Variants in ARMC12 observed in about 807,000 individuals in gnomAD.
ARMC12 encodes armadillo repeat containing 12, also known as armadillo repeat-containing protein 12.
ARMC12 carries 25 observed loss-of-function variants against 37.4 expected under a neutral mutation model. That is an observed-to-expected ratio of 0.67 (90% CI 0.49 to 0.93). The LOEUF (loss-of-function observed/expected upper bound fraction) is 0.93, where lower values mean the gene tolerates loss of function less well. ARMC12 is among the 40% of genes least tolerant of loss of function. The pLI, the probability that ARMC12 is intolerant of heterozygous loss-of-function variation, is 0.00. For synonymous variants in ARMC12, 167 were observed against 176.1 expected, an observed-to-expected ratio of 0.95 and a Z score of 0.41; for missense variants, 384 against 426.6, an observed-to-expected ratio of 0.90 and a Z score of 0.88.
In ARMC12 at chr6:35,737,075, A is replaced by G; in HGVS notation, c.-34A>G. 1 of 1,611,070 alleles carries G rather than the reference A, an allele frequency of 6.2e-7. No individual in the cohort carries two copies. Among genetic ancestry groups the G allele is most frequent in the African/African-American group, 1.3e-5 (1 of 74,926 alleles). ...GGCCCCCCACAGGTGCCTTGGGCCT[A>G]GCTCTCACCTGGGCCCAGGGCAACA... On this transcript the variant is annotated 5_prime_UTR_variant, in exon 1 of 6. Transcript: ENST00000373866.
intron 3 of ARMC12, 29 bp from the exon 4 acceptor site, chr6:35,747,232 G>A (rs1767366251): frequency 6.3e-7 from 1 of 1,598,604 alleles, no homozygotes; most frequent in Admixed American, 1.7e-5. Flanking sequence ...ACCTGTAAAA[G>A]TAAGCCCTTT....
chr6:35,744,514 TG>T (rs776646951), intron 3 of ARMC12, among the ~76,000 whole-genome samples: 220 of 152,098 alleles, frequency 1.4e-3, no homozygotes, highest in Non-Finnish European at 2.5e-3. Context: ...CAAAACTGAA[TG>T]TTAGGCCAGG....
Position 35,748,837 on chromosome 6 carries a change from G to T in ARMC12, c.990G>T (p.Gln330His). ...TGAGAGCCCGGCCCTCCTCCTGCCA[G>T]CCCAGTCGTTCCTACTTTAAAAACA... is the stretch of plus-strand genomic sequence containing the variant. ...QDLRARPSSCQPSRSYFKNTE is the reference protein window; with the variant it reads ...QDLRARPSSCHPSRSYFKNTE The change falls in exon 6 of 6, where the codon CAG (glutamine) becomes CAT (histidine). Residue 330 changes from glutamine to histidine, a missense_variant. By Grantham distance (24) the Gln-to-His change is conservative. Coordinates refer to ENST00000373866, the MANE Select transcript of ARMC12 (RefSeq NM_001286574.2). The T allele has an allele frequency of 6.2e-7, 1 of 1,613,040 alleles. No individual in the cohort carries two copies. The highest frequency in any genetic ancestry group is 8.5e-7 in the Non-Finnish European group (1 of 1,179,558).
chr6:35,737,880 T>C, intron 1 of ARMC12, 147 bp from the exon 2 acceptor site: 2 of 1,039,792 alleles, frequency 1.9e-6, no homozygotes, highest in Admixed American at 1.9e-5. Context: ...TTCGTTCAAC[T>C]GTACATGGTG....
At chr6:35,746,676 T>C (rs1195558861) in intron 3 of ARMC12, among the ~76,000 whole-genome samples, 1 of 152,014 alleles carries the variant, frequency 6.6e-6, no homozygotes, top group East Asian at 1.9e-4. Context: ...AGGTAGTGCC[T>C]ACAGGATTTT....
intron 3 of ARMC12, among the ~76,000 whole-genome samples, chr6:35,739,604 C>T (rs73419752): frequency 0.012 from 1,807 of 152,310 alleles, 28 homozygotes; most frequent in African/African-American, 0.035. Flanking sequence ...AGAATTCCTT[C>T]GTAATTTTGT....
At chr6:35,736,318 C>T (rs1208359446), upstream of ARMC12, among the ~76,000 whole-genome samples, 5 of 152,190 alleles carry the variant, frequency 3.3e-5, no homozygotes, top group Non-Finnish European at 7.3e-5. Context: ...CCTGAAGAAA[C>T]ACCCCAAGGC....
intron 3 of ARMC12, among the ~76,000 whole-genome samples, chr6:35,747,030 G>T (rs1425796677): frequency 3.8e-5 from 5 of 131,320 alleles, no homozygotes; most frequent in Non-Finnish European, 6.2e-5. Flanking sequence ...AGAGGAGGTT[G>T]GGCAGAATAG....
rs553371482 is a variant in ARMC12 at position 35,741,116 on chromosome 6, C to G, written c.444+2598C>G. Among the ~76,000 whole-genome samples, 9 of 152,110 alleles carry G rather than the reference C, an allele frequency of 5.9e-5. No individual in the cohort carries two copies. In the South Asian group the frequency reaches 1.5e-3, roughly 25 times the overall value. ...ACTCCTGGGCTCAAGCAATTCTCCC[C>G]CCTGGGTCTCTTTCACCGCTCTGTG... On this transcript the variant is annotated intron_variant, in intron 3 of 5. Transcript: ENST00000373866.
At chr6:35,732,462 G>C (rs764035216), upstream of ARMC12, among the ~76,000 whole-genome samples, 1 of 152,220 alleles carries the variant, frequency 6.6e-6, no homozygotes, top group Non-Finnish European at 1.5e-5. Flanking sequence ...TATGGAATTT[G>C]TCCAAACCCC....
chr6:35,747,936 A>C (rs1332976130), intron 5 of ARMC12, among the ~76,000 whole-genome samples: 1 of 152,184 alleles, frequency 6.6e-6, no homozygotes, highest in Non-Finnish European at 1.5e-5. Context: ...GGGGGAAATT[A>C]CTATGGCAAA....
chr6:35,737,976 T>G, intron 1 of ARMC12, 51 bp from the exon 2 acceptor site: 1 of 1,605,580 alleles, frequency 6.2e-7, no homozygotes, highest in Admixed American at 1.7e-5. Context: ...AACCCCATTC[T>G]TTCATCACTT....
chr6:35,736,942 T>C, upstream of ARMC12: 1 of 1,075,326 alleles, frequency 9.3e-7, no homozygotes, highest in Non-Finnish European at 1.3e-6. Context: ...GGCTGCCCCA[T>C]TTCCTGACCA....
chr6:35,747,701 G>A (rs1767386284), intron 5 of ARMC12, 54 bp downstream of exon 5: 3 of 1,560,880 alleles, frequency 1.9e-6, no homozygotes, highest in South Asian at 1.1e-5. Context: ...TATAGGGGGA[G>A]GGAAGAATCA....
chr6:35,738,655 G>A, intron 3 of ARMC12, 137 bp downstream of exon 3: 1 of 1,239,842 alleles, frequency 8.1e-7, no homozygotes, highest in Non-Finnish European at 1.1e-6. Context: ...TGGGAAAACG[G>A]TGGTCAGATT....
chr6:35,737,411 A>ACCCTGCAGCGTCCTAGGCAAGG (rs1269375103), intron 1 of ARMC12, 140 bp downstream of exon 1: 225 of 1,603,042 alleles, frequency 1.4e-4, no homozygotes, highest in African/African-American at 6.2e-4. Flanking sequence ...CCTCAAGCCC[A>ACCCTGCAGCGTCCTAGGCAAGG]CCCTGCAGCG....
chr6:35,738,286 T>TG (rs56101324), intron 2 of ARMC12, 98 bp from the exon 3 acceptor site: 90,910 of 1,036,262 alleles, frequency 0.088, 247 homozygotes, highest in Admixed American at 0.12. Flanking sequence ...CTGATAGCGG[T>TG]GGGGGGGGGG....
chr6:35,736,043 G>C, upstream of ARMC12, among the ~76,000 whole-genome samples: 1 of 152,206 alleles, frequency 6.6e-6, no homozygotes, highest in African/African-American at 2.4e-5. Context: ...GGTTAGAAGG[G>C]TCTGGAGCCC....
Position 35,748,824 on chromosome 6 carries a change from C to T in ARMC12, c.977C>T (p.Pro326Leu), listed in dbSNP as rs771613979. Reference protein sequence around the residue: ...LQYPQDLRARPSSCQPSRSYF... With the variant: ...LQYPQDLRARLSSCQPSRSYF... Reference sequence around the variant, plus strand: ...TATCCCCAGGACTTGAGAGCCCGGCCCTCCTCCTGCCAGCCCAGTCGTTCC... The same window carrying T: ...TATCCCCAGGACTTGAGAGCCCGGCTCTCCTCCTGCCAGCCCAGTCGTTCC... Residue 326 changes from proline to leucine, a missense_variant, in exon 6 of 6, where the codon CCC becomes CTC. By Grantham distance (98) the Pro-to-Leu change is moderately conservative. Transcript: ENST00000373866. The T allele has an allele frequency of 6.2e-7, 1 of 1,613,648 alleles. No individual in the cohort carries two copies. The highest frequency in any genetic ancestry group is 1.1e-5 in the South Asian group (1 of 91,014).
Sources: gnomAD v4.1 joint callset for allele counts (sites outside exome capture counted in the v4.1 genomes callset) on GRCh38, gnomAD v4.1.1 for gene constraint, MANE v1.5 for transcripts, NCBI Gene and HGNC (gene_info 2026-07-23, HGNC 2026-07-21) for gene names.